Variants in PTK2 observed in about 807,000 individuals in gnomAD.
The protein encoded by PTK2 is focal adhesion kinase 1.
PTK2 carries 45 observed loss-of-function variants against 150.1 expected under a neutral mutation model. The ratio of observed to expected loss-of-function variants is 0.30; its 90% confidence interval spans 0.24 to 0.38. PTK2 has a LOEUF of 0.38. PTK2 is among the 10% of genes least tolerant of loss of function. The probability of loss-of-function intolerance (pLI) is 1.00; values close to 1 mark genes in which losing one functional copy is unlikely to be tolerated. For synonymous variants in PTK2, 432 were observed against 449.2 expected (o/e 0.96, Z 0.48); for missense variants, 919 against 1,307.3 (o/e 0.70, Z 4.58).
intron 7 of PTK2, among the ~76,000 whole-genome samples, chr8:140,835,153 C>T (rs972575015): frequency 6.6e-6 from 1 of 152,304 alleles, no homozygotes; most frequent in Non-Finnish European, 1.5e-5. Context: ...TTATCCTGCA[C>T]GTGTATTCAT....
chr8:140,818,322 G>A (rs758593102), exon 10 of PTK2: 15 of 1,613,862 alleles, frequency 9.3e-6, no homozygotes, highest in South Asian at 3.3e-5. Flanking sequence ...CTTCTGGGCC[G>A]ATTGCCAGTT....
At chr8:140,774,928 T>A (rs527996582) in intron 14 of PTK2, among the ~76,000 whole-genome samples, 1 of 152,342 alleles carries the variant, frequency 6.6e-6, no homozygotes, top group South Asian at 2.1e-4. Context: ...GCCCACCTCT[T>A]TCCCAGAAAA....
chr8:140,684,042 A>C (rs1159032400), intron 27 of PTK2, among the ~76,000 whole-genome samples: 1 of 152,228 alleles, frequency 6.6e-6, no homozygotes, highest in Non-Finnish European at 1.5e-5. Flanking sequence ...AATAAAAGGC[A>C]TCCAAATAGG....
chr8:140,719,784 G>A (rs1345419423), intron 22 of PTK2, among the ~76,000 whole-genome samples: 1 of 150,646 alleles, frequency 6.6e-6, no homozygotes, highest in African/African-American at 2.4e-5. Flanking sequence ...AGCATTCTGG[G>A]ATGCTGAGGT....
chr8:140,727,499 A>AG (rs2100046583), intron 22 of PTK2, among the ~76,000 whole-genome samples: 1 of 152,086 alleles, frequency 6.6e-6, no homozygotes, highest in African/African-American at 2.4e-5. Flanking sequence ...TGCAAAAAAA[A>AG]AAAAAAATAC....
intron 2 of PTK2, among the ~76,000 whole-genome samples, chr8:140,905,820 C>T (rs1255256096): frequency 2.0e-5 from 3 of 152,164 alleles, no homozygotes; most frequent in Non-Finnish European, 4.4e-5. Flanking sequence ...ATAACAGTCT[C>T]TCAGACCACA....
intron 31 of PTK2, among the ~76,000 whole-genome samples, chr8:140,662,303 A>T (rs2152611883): frequency 6.6e-6 from 1 of 152,256 alleles, no homozygotes; most frequent in South Asian, 2.1e-4. Context: ...TCTCAAAAAA[A>T]AAAAAATTAA....
intron 2 of PTK2, among the ~76,000 whole-genome samples, chr8:140,901,790 C>T (rs1459002086): frequency 2.0e-5 from 3 of 151,868 alleles, no homozygotes; most frequent in South Asian, 2.1e-4. Flanking sequence ...TTTCTCATAA[C>T]GCTATCCCTC....
At position 140,857,753 on chromosome 8, in the gene PTK2, T is replaced by C. The variant is rs575292509; in HGVS notation, c.450+6559A>G. On this transcript the variant is annotated intron_variant, in intron 5 of 31. Transcript: ENST00000522684. Reference sequence around the variant, plus strand: ...TCTTGAGATTCATGTAGTAAGGCGGTGTCTTCAAAATCTACTCAAAGGGTC... The same window carrying C: ...TCTTGAGATTCATGTAGTAAGGCGGCGTCTTCAAAATCTACTCAAAGGGTC... Among the ~76,000 whole-genome samples the C allele has an allele frequency of 5.9e-5, 9 of 152,290 alleles. No individual in the cohort carries two copies. The South Asian group carries it at 1.9e-3, about 32-fold the overall frequency.
chr8:140,988,728 CAAAAAAAA>C (rs71310814), intron 1 of PTK2, among the ~76,000 whole-genome samples: 1 of 69,960 alleles, frequency 1.4e-5, no homozygotes, highest in Non-Finnish European at 2.6e-5. Flanking sequence ...GACTCCATCC[CAAAAAAAA>C]AAAAAAAAAA....
At chr8:140,832,795 G>T in intron 7 of PTK2, 1 of 518,262 alleles carries the variant, frequency 1.9e-6, no homozygotes, top group South Asian at 1.4e-5. Context: ...TTTTAGACAT[G>T]TGAGGGCCTA....
chr8:140,766,889 T>C (rs1479383101), intron 14 of PTK2, among the ~76,000 whole-genome samples: 1 of 152,222 alleles, frequency 6.6e-6, no homozygotes, highest in East Asian at 1.9e-4. Flanking sequence ...CTTGTAGCAC[T>C]GTTATGAGGA....
chr8:140,840,093 CT>C (rs2154603792), intron 7 of PTK2, among the ~76,000 whole-genome samples: 1 of 152,318 alleles, frequency 6.6e-6, no homozygotes, highest in Non-Finnish European at 1.5e-5. Flanking sequence ...AGGTCTTCCT[CT>C]GTTGCCCAGG....
chr8:140,983,236 A>T (rs2100192116), intron 1 of PTK2, among the ~76,000 whole-genome samples: 1 of 151,990 alleles, frequency 6.6e-6, no homozygotes, highest in Non-Finnish European at 1.5e-5. Context: ...AAAATGCAAA[A>T]ATTAGCCACA....
Position 140,747,808 on chromosome 8 carries a change from T to C in PTK2, c.1418-948A>G, listed in dbSNP as rs1037836567. 2.0e-5 allele frequency among the ~76,000 whole-genome samples: 3 copies of C among 148,588 alleles called. No individual in the cohort carries two copies. The East Asian group carries it at 6.0e-4, about 30-fold the overall frequency. On this transcript the variant is annotated intron_variant, in intron 17 of 31. Coordinates refer to ENST00000522684, the Ensembl canonical transcript of PTK2. The stretch of plus-strand genomic sequence containing the variant: ...GGGGGAGGAAGGGAGGAGGAGGAAG[T>C]GAAGGAGAAGAAAGACGACGACAAC...
At chr8:140,845,617 TGA>T in intron 7 of PTK2, among the ~76,000 whole-genome samples, 1 of 152,368 alleles carries the variant, frequency 6.6e-6, no homozygotes, top group East Asian at 1.9e-4. Context: ...CTTACTTGTC[TGA>T]GAGTCTTCCT....
intron 1 of PTK2, among the ~76,000 whole-genome samples, chr8:140,989,212 T>TAA (rs71310816): frequency 0.29 from 17,451 of 60,610 alleles, 2,565 homozygotes; most frequent in East Asian, 0.39. Flanking sequence ...ACCCTGTCTC[T>TAA]AAAAAAAAAA....
At chr8:140,850,408 A>C (rs530618088) in intron 5 of PTK2, among the ~76,000 whole-genome samples, 50 of 151,130 alleles carry the variant, frequency 3.3e-4, no homozygotes, top group Non-Finnish European at 1.2e-4. Context: ...CCTGGGGGCC[A>C]ACAGTGAGAC....
intron 1 of PTK2, among the ~76,000 whole-genome samples, chr8:140,941,679 A>G (rs533879484): frequency 6.6e-6 from 1 of 152,306 alleles, no homozygotes; most frequent in Admixed American, 6.5e-5. Flanking sequence ...CAGGACATCA[A>G]CAAGTACCAC....
Sources: gnomAD v4.1 joint callset for allele counts (sites outside exome capture counted in the v4.1 genomes callset) on GRCh38, gnomAD v4.1.1 for gene constraint, MANE v1.5 for transcripts, NCBI Gene and HGNC (gene_info 2026-07-23, HGNC 2026-07-21) for gene names.